PDSS2: variants seen among roughly 807,000 people sequenced by gnomAD.
PDSS2 encodes the protein all trans-polyprenyl-diphosphate synthase PDSS2.
In PDSS2, 31 loss-of-function variants were observed where a neutral mutation model predicts 44.5. That is an observed-to-expected ratio of 0.70 (90% CI 0.52 to 0.94). The LOEUF (loss-of-function observed/expected upper bound fraction) is 0.94. Ranked by LOEUF, PDSS2 falls within the 40% of genes least tolerant of loss-of-function variation. PDSS2 has a pLI of 0.00. For synonymous variants in PDSS2, 157 were observed against 180.3 expected (o/e 0.87, Z 1.03); for missense variants, 452 against 482.2 (o/e 0.94, Z 0.59).
chr6:107,389,483 T>C (rs1779715061), intron 1 of PDSS2, among the ~76,000 whole-genome samples: 1 of 152,196 alleles, frequency 6.6e-6, no homozygotes, highest in Middle Eastern at 3.2e-3. Flanking sequence ...TTTCTGAAAC[T>C]GCTTTACATG....
intron 2 of PDSS2, among the ~76,000 whole-genome samples, chr6:107,324,660 G>A (rs1272579581): frequency 6.6e-6 from 1 of 151,990 alleles, no homozygotes; most frequent in Non-Finnish European, 1.5e-5. Flanking sequence ...CTCTTTGTTT[G>A]CATTCACATG....
chr6:107,440,713 T>C (rs537181811), intron 1 of PDSS2, among the ~76,000 whole-genome samples: 1 of 152,204 alleles, frequency 6.6e-6, no homozygotes, highest in South Asian at 2.1e-4. Flanking sequence ...AAAAAGCAAA[T>C]GAGAGGCTTA....
chr6:107,267,234 T>C (rs1437772883), intron 3 of PDSS2, among the ~76,000 whole-genome samples: 1 of 152,136 alleles, frequency 6.6e-6, no homozygotes, highest in African/African-American at 2.4e-5. Flanking sequence ...GAATATCTCC[T>C]CCCCTCAGCT....
At chr6:107,253,394 T>C (rs1774893332) in intron 3 of PDSS2, among the ~76,000 whole-genome samples, 2 of 152,194 alleles carry the variant, frequency 1.3e-5, no homozygotes, top group Admixed American at 1.3e-4. Context: ...ATAAATAACT[T>C]TTACATTTAC....
chr6:107,191,762 C>A (rs1772389386), intron 7 of PDSS2, among the ~76,000 whole-genome samples: 1 of 152,164 alleles, frequency 6.6e-6, no homozygotes, highest in Non-Finnish European at 1.5e-5. Context: ...AAGTGCTCAT[C>A]ACCACACCCA....
intron 7 of PDSS2, among the ~76,000 whole-genome samples, chr6:107,174,822 G>C (rs1171925184): frequency 6.6e-6 from 1 of 152,158 alleles, no homozygotes; most frequent in Non-Finnish European, 1.5e-5. Flanking sequence ...AGTAAGAATA[G>C]TAGTGTTTCC....
chr6:107,396,950 C>A (rs937530604), intron 1 of PDSS2, among the ~76,000 whole-genome samples: 7 of 152,042 alleles, frequency 4.6e-5, no homozygotes, highest in African/African-American at 1.7e-4. Flanking sequence ...CCTTAGTCTC[C>A]CGAAGTGTTG....
intron 3 of PDSS2, among the ~76,000 whole-genome samples, chr6:107,273,626 TCATA>T: frequency 6.6e-6 from 1 of 152,164 alleles, no homozygotes; most frequent in East Asian, 1.9e-4. Flanking sequence ...TAGCAAGTTC[TCATA>T]TATATTACAA....
chr6:107,456,518 G>T (rs970351227), intron 1 of PDSS2, among the ~76,000 whole-genome samples: 10 of 152,056 alleles, frequency 6.6e-5, no homozygotes, highest in African/African-American at 2.4e-4. Flanking sequence ...CCAGTAAAAT[G>T]AAACATTATT....
chr6:107,325,045 G>T (rs1777496184), intron 2 of PDSS2, among the ~76,000 whole-genome samples: 1 of 151,438 alleles, frequency 6.6e-6, no homozygotes, highest in Non-Finnish European at 1.5e-5. Context: ...AAATGTAAAG[G>T]TTTATAGAAA....
intron 2 of PDSS2, among the ~76,000 whole-genome samples, chr6:107,303,008 G>A (rs1460485567): frequency 6.6e-6 from 1 of 152,028 alleles, no homozygotes; most frequent in African/African-American, 2.4e-5. Flanking sequence ...TTCTGTCTAA[G>A]TCCATTTTCT....
At chr6:107,329,131 G>C (rs1777636992) in intron 2 of PDSS2, among the ~76,000 whole-genome samples, 3 of 152,206 alleles carry the variant, frequency 2.0e-5, no homozygotes, top group African/African-American at 7.2e-5. Flanking sequence ...CCATAGCACA[G>C]ATACAGTAAC....
At chr6:107,360,807 T>C (rs988467953) in intron 1 of PDSS2, among the ~76,000 whole-genome samples, 7 of 152,226 alleles carry the variant, frequency 4.6e-5, no homozygotes, top group Non-Finnish European at 1.0e-4. Context: ...TTTGACTCTA[T>C]GTATAGTGAT....
chr6:107,410,321 C>A (rs570415710), intron 1 of PDSS2, among the ~76,000 whole-genome samples: 1 of 152,286 alleles, frequency 6.6e-6, no homozygotes, highest in East Asian at 1.9e-4. Context: ...ATTTTCTCCA[C>A]CCCACTGGTA....
chr6:107,270,762 A>T (rs1407007368), intron 3 of PDSS2, among the ~76,000 whole-genome samples: 2 of 152,206 alleles, frequency 1.3e-5, no homozygotes, highest in Non-Finnish European at 1.5e-5. Flanking sequence ...CTGAATTTCC[A>T]ATCTCACTCA....
At chr6:107,308,038 C>T (rs1197794076) in intron 2 of PDSS2, among the ~76,000 whole-genome samples, 1 of 152,122 alleles carries the variant, frequency 6.6e-6, no homozygotes, top group Non-Finnish European at 1.5e-5. Flanking sequence ...AAATGGTTCA[C>T]AAACCAATTT....
intron 1 of PDSS2, among the ~76,000 whole-genome samples, chr6:107,355,276 G>C (rs554588382): frequency 6.6e-6 from 1 of 152,088 alleles, no homozygotes. Flanking sequence ...TTCATTGTGT[G>C]TAACAATCCA....
chr6:107,162,907 G>C (rs1554246950), intron 7 of PDSS2, among the ~76,000 whole-genome samples: 1 of 152,038 alleles, frequency 6.6e-6, no homozygotes, highest in African/African-American at 2.4e-5. Flanking sequence ...GCCCAGCCCC[G>C]ATAATTCTGG....
intron 2 of PDSS2, among the ~76,000 whole-genome samples, chr6:107,322,217 C>G (rs1777402862): frequency 6.6e-6 from 1 of 152,110 alleles, no homozygotes; most frequent in Non-Finnish European, 1.5e-5. Context: ...ATGTTTTACT[C>G]CACTTAAAAA....
Sources: gnomAD v4.1 joint callset for allele counts (sites outside exome capture counted in the v4.1 genomes callset) on GRCh38, gnomAD v4.1.1 for gene constraint, MANE v1.5 for transcripts, NCBI Gene and HGNC (gene_info 2026-07-23, HGNC 2026-07-21) for gene names.